Variants in CDKL5 observed in about 807,000 individuals in gnomAD.
The protein encoded by CDKL5 is cyclin-dependent kinase-like 5.
CDKL5 carries 8 observed loss-of-function variants against 61.7 expected under a neutral mutation model. The observed-to-expected ratio is 0.13, with a 90% CI of 0.08 to 0.23. The LOEUF is 0.23. CDKL5 is among the 10% of genes least tolerant of loss of function. The probability of loss-of-function intolerance (pLI) is 1.00; values close to 1 mark genes in which losing one functional copy is unlikely to be tolerated. For missense variants in CDKL5, 440 were observed against 734.5 expected (o/e 0.60, Z 4.63); for synonymous variants, 275 against 272.3 (o/e 1.01, Z -0.10).
intron 1 of CDKL5, among the ~76,000 whole-genome samples, chrX:18,439,079 CTG>C (rs1459257499): frequency 2.3e-5 from 2 of 86,703 alleles, no homozygotes; most frequent in Non-Finnish European, 4.4e-5. Flanking sequence ...TTCCTCATGT[CTG>C]TATCTTCTTC....
intron 1 of CDKL5, among the ~76,000 whole-genome samples, chrX:18,506,552 G>A (rs888122932): frequency 8.9e-6 from 1 of 112,226 alleles, no homozygotes; most frequent in East Asian, 2.8e-4. Context: ...CCCAATCTTA[G>A]AACACACACA....
downstream of CDKL5, among the ~76,000 whole-genome samples, chrX:18,642,904 C>T (rs924650453): frequency 2.4e-4 from 26 of 110,119 alleles, no homozygotes; most frequent in Non-Finnish European, 4.4e-4. Flanking sequence ...ATTAGCCAGG[C>T]GCAGTGGCAG....
At chrX:18,471,749 TG>T (rs1351514009) in intron 1 of CDKL5, among the ~76,000 whole-genome samples, 1 of 111,005 alleles carries the variant, frequency 9.0e-6, no homozygotes, top group African/African-American at 3.3e-5. Context: ...TATTTTTTAT[TG>T]TTTTTTTGAG....
chrX:18,521,417 A>G (rs1004195711), intron 3 of CDKL5, among the ~76,000 whole-genome samples: 11 of 111,388 alleles, frequency 9.9e-5, no homozygotes, highest in Admixed American at 8.6e-4. Flanking sequence ...TCATATTTTT[A>G]AAACCATTGC....
chrX:18,437,452 G>T (rs939272451), intron 1 of CDKL5, among the ~76,000 whole-genome samples: 13 of 111,755 alleles, frequency 1.2e-4, no homozygotes, highest in Admixed American at 8.6e-4. Flanking sequence ...TAATCTGCTC[G>T]AAGTATTTAA....
intron 3 of CDKL5, among the ~76,000 whole-genome samples, chrX:18,562,655 C>G (rs1924842718): frequency 9.0e-6 from 1 of 111,526 alleles, no homozygotes; most frequent in Non-Finnish European, 1.9e-5. Context: ...TAAATTCTTT[C>G]CAGTATCTTC....
At chrX:18,492,862 G>C (rs1602223533) in intron 1 of CDKL5, among the ~76,000 whole-genome samples, 1 of 111,680 alleles carries the variant, frequency 9.0e-6, no homozygotes, top group South Asian at 3.8e-4. Context: ...TAATCAGATT[G>C]TCATACCACT....
chrX:18,577,059 G>A (rs968794400), intron 5 of CDKL5, among the ~76,000 whole-genome samples: 2 of 110,587 alleles, frequency 1.8e-5, no homozygotes, highest in African/African-American at 6.6e-5. Flanking sequence ...ACCATGCCTG[G>A]CTGCTTTTTA....
intron 16 of CDKL5, among the ~76,000 whole-genome samples, chrX:18,621,329 C>T (rs1248389429): frequency 8.9e-6 from 1 of 111,994 alleles, no homozygotes; most frequent in East Asian, 2.8e-4. Flanking sequence ...CAAATACCTT[C>T]CTAGATAATC....
intron 1 of CDKL5, among the ~76,000 whole-genome samples, chrX:18,438,333 G>A (rs748854630): frequency 9.1e-6 from 1 of 109,713 alleles, no homozygotes; most frequent in South Asian, 4.0e-4. Context: ...CACAGTGCTG[G>A]GATTGCAGGC....
chrX:18,494,549 C>T (rs1486743629), intron 1 of CDKL5, among the ~76,000 whole-genome samples: 3 of 112,354 alleles, frequency 2.7e-5, no homozygotes, highest in African/African-American at 6.5e-5. Flanking sequence ...GTTAGCCACC[C>T]AGCCCAGCCT....
chrX:18,622,356 C>T (rs1423429014), intron 16 of CDKL5, among the ~76,000 whole-genome samples: 4 of 112,126 alleles, frequency 3.6e-5, no homozygotes, highest in Non-Finnish European at 5.6e-5. Flanking sequence ...TTGTTTGTAT[C>T]TCTGCATCTT....
At chrX:18,645,628 C>T (rs1927740348) in intron 19 of CDKL5, among the ~76,000 whole-genome samples, 1 of 111,094 alleles carries the variant, frequency 9.0e-6, no homozygotes, top group Admixed American at 9.6e-5. Context: ...CACTCTAGCC[C>T]GTGTCCCCCT....
intron 15 of CDKL5, among the ~76,000 whole-genome samples, chrX:18,617,071 G>A (rs909004573): frequency 1.8e-5 from 2 of 112,087 alleles, no homozygotes; most frequent in African/African-American, 6.5e-5. Context: ...CTAACACAGG[G>A]CCTGACATGT....
chrX:18,509,197 G>GCACGCACACACACACACACACACA (rs1204561636), intron 2 of CDKL5, among the ~76,000 whole-genome samples: 1 of 64,314 alleles, frequency 1.6e-5, no homozygotes. Flanking sequence ...CTCAAAACAC[G>GCACGCACACACACACACACACACA]CACACACACA....
intron 3 of CDKL5, among the ~76,000 whole-genome samples, chrX:18,533,099 G>A (rs2147110489): frequency 9.0e-6 from 1 of 111,494 alleles, no homozygotes; most frequent in Non-Finnish European, 1.9e-5. Context: ...CTCTATAAAT[G>A]TAATTTTAAT....
chrX:18,509,611 C>A (rs766964502), intron 2 of CDKL5, among the ~76,000 whole-genome samples: 2 of 111,662 alleles, frequency 1.8e-5, no homozygotes, highest in South Asian at 3.8e-4. Flanking sequence ...AGATTTTTCA[C>A]ATTATAATTT....
At chrX:18,454,985 G>A (rs1394253128) in intron 1 of CDKL5, among the ~76,000 whole-genome samples, 5 of 104,239 alleles carry the variant, frequency 4.8e-5, no homozygotes, top group African/African-American at 1.8e-4. Flanking sequence ...CTCTGCCTCA[G>A]CCTCCCAAAG....
At chrX:18,541,094 G>A (rs1209647052) in intron 3 of CDKL5, among the ~76,000 whole-genome samples, 1 of 112,210 alleles carries the variant, frequency 8.9e-6, no homozygotes, top group East Asian at 2.8e-4. Flanking sequence ...TATAGGTAAG[G>A]TGCTGTTTTT....
Sources: gnomAD v4.1 joint callset for allele counts (sites outside exome capture counted in the v4.1 genomes callset) on GRCh38, gnomAD v4.1.1 for gene constraint, MANE v1.5 for transcripts, NCBI Gene and HGNC (gene_info 2026-07-23, HGNC 2026-07-21) for gene names.